COLEC12: variants seen among roughly 807,000 people sequenced by gnomAD.
The protein encoded by COLEC12 is collectin subfamily member 12, also known as collectin-12.
COLEC12 carries 33 observed loss-of-function variants against 71.1 expected under a neutral mutation model. The observed-to-expected ratio is 0.46, with a 90% CI of 0.35 to 0.62. The LOEUF is 0.62. COLEC12 is among the 20% of genes least tolerant of loss of function. COLEC12 has a pLI of 0.00. For synonymous variants in COLEC12, 350 were observed against 353.0 expected, an observed-to-expected ratio of 0.99 and a Z score of 0.10; for missense variants, 765 against 916.1, an observed-to-expected ratio of 0.84 and a Z score of 2.13.
At chr18:466,307 C>T (rs1017107223) in intron 2 of COLEC12, among the ~76,000 whole-genome samples, 1 of 152,176 alleles carries the variant, frequency 6.6e-6, no homozygotes, top group African/African-American at 2.4e-5. Context: ...TTAGAGACTT[C>T]CAGGACCTTC....
At chr18:466,191 G>T (rs920930072) in intron 2 of COLEC12, among the ~76,000 whole-genome samples, 4 of 152,194 alleles carry the variant, frequency 2.6e-5, no homozygotes, top group African/African-American at 9.6e-5. Context: ...AGTGAGCTGA[G>T]ATCGCACCAC....
At chr18:448,863 C>T (rs569005735) in intron 2 of COLEC12, among the ~76,000 whole-genome samples, 9 of 152,070 alleles carry the variant, frequency 5.9e-5, no homozygotes, top group South Asian at 4.1e-4. Context: ...ATAAAGCATA[C>T]GGAGGAATAA....
intron 2 of COLEC12, among the ~76,000 whole-genome samples, chr18:412,710 C>T (rs1002237781): frequency 3.3e-5 from 5 of 152,176 alleles, no homozygotes; most frequent in South Asian, 2.1e-4. Flanking sequence ...GTAAAGTTTC[C>T]GTACTTCACT....
intron 2 of COLEC12, among the ~76,000 whole-genome samples, chr18:393,993 G>A (rs1419025159): frequency 2.0e-5 from 3 of 152,158 alleles, no homozygotes; most frequent in Admixed American, 6.5e-5. Flanking sequence ...GGTTGCTGGA[G>A]GTCCCGGGTG....
intron 2 of COLEC12, among the ~76,000 whole-genome samples, chr18:467,217 G>A (rs554993401): frequency 6.6e-6 from 1 of 152,138 alleles, no homozygotes; most frequent in African/African-American, 2.4e-5. Context: ...CAGAGAATGA[G>A]AGAACTGACC....
At chr18:367,021 C>T (rs562247143) in intron 2 of COLEC12, among the ~76,000 whole-genome samples, 1 of 152,310 alleles carries the variant, frequency 6.6e-6, no homozygotes, top group Non-Finnish European at 1.5e-5. Flanking sequence ...GCCTTCAGAC[C>T]CCTGCCCAGA....
At chr18:390,654 G>A (rs1417036213) in intron 2 of COLEC12, among the ~76,000 whole-genome samples, 3 of 152,104 alleles carry the variant, frequency 2.0e-5, no homozygotes, top group East Asian at 1.9e-4. Context: ...CAGCTACTCG[G>A]GAGGATGAGG....
chr18:422,295 C>T (rs1375628572), intron 2 of COLEC12, among the ~76,000 whole-genome samples: 4 of 152,240 alleles, frequency 2.6e-5, no homozygotes, highest in East Asian at 1.9e-4. Context: ...CCTTTATTTC[C>T]GACGGCCTCT....
intron 2 of COLEC12, among the ~76,000 whole-genome samples, chr18:364,454 G>C (rs1430699217): frequency 5.9e-5 from 9 of 152,162 alleles, no homozygotes; most frequent in Admixed American, 1.3e-4. Flanking sequence ...TCTTACAGTT[G>C]TCTCTCCTAG....
chr18:331,581 A>T, intron 8 of COLEC12, 87 bp downstream of exon 8: 1 of 834,248 alleles, frequency 1.2e-6, no homozygotes, highest in Non-Finnish European at 2.0e-6. Flanking sequence ...CGAGGTCATT[A>T]AGGAAGAAAC....
chr18:489,976 T>C (rs1917590384), intron 1 of COLEC12, among the ~76,000 whole-genome samples: 2 of 152,204 alleles, frequency 1.3e-5, no homozygotes, highest in South Asian at 4.1e-4. Context: ...CACCAGCAAT[T>C]CCTTCCAGCC....
intron 2 of COLEC12, among the ~76,000 whole-genome samples, chr18:392,736 C>T (rs1246545317): frequency 6.6e-6 from 1 of 152,232 alleles, no homozygotes; most frequent in Non-Finnish European, 1.5e-5. Flanking sequence ...GAGTTCACAG[C>T]AAGACATGTG....
At chr18:439,588 T>C (rs1377665408) in intron 2 of COLEC12, among the ~76,000 whole-genome samples, 2 of 151,842 alleles carry the variant, frequency 1.3e-5, no homozygotes, top group Non-Finnish European at 2.9e-5. Context: ...TATTGAAATA[T>C]AATTTACATA....
At chr18:495,434 A>G (rs941916715) in intron 1 of COLEC12, among the ~76,000 whole-genome samples, 1 of 152,242 alleles carries the variant, frequency 6.6e-6, no homozygotes, top group Non-Finnish European at 1.5e-5. Flanking sequence ...ACCTGTTAGC[A>G]AGACGAGTGT....
At chr18:436,858 G>A (rs1262671771) in intron 2 of COLEC12, among the ~76,000 whole-genome samples, 1 of 152,170 alleles carries the variant, frequency 6.6e-6, no homozygotes, top group African/African-American at 2.4e-5. Flanking sequence ...TACCTCCCAT[G>A]GCTGGTAGAG....
chr18:443,122 G>A (rs555756513), intron 2 of COLEC12, among the ~76,000 whole-genome samples: 7 of 151,898 alleles, frequency 4.6e-5, no homozygotes, highest in Non-Finnish European at 8.8e-5. Flanking sequence ...TAGTTAATAC[G>A]GAATTATATG....
chr18:449,485 T>C (rs2143710212), intron 2 of COLEC12, among the ~76,000 whole-genome samples: 1 of 152,332 alleles, frequency 6.6e-6, no homozygotes, highest in East Asian at 1.9e-4. Flanking sequence ...TGTCAGTTGC[T>C]TCATAGGTCA....
chr18:465,870 C>T (rs1042548287), intron 2 of COLEC12, among the ~76,000 whole-genome samples: 6 of 151,948 alleles, frequency 3.9e-5, no homozygotes, highest in South Asian at 2.1e-4. Context: ...GTCAGGAATT[C>T]GAGACCAGCC....
intron 2 of COLEC12, among the ~76,000 whole-genome samples, chr18:463,992 G>A (rs1212413494): frequency 6.6e-6 from 1 of 152,160 alleles, no homozygotes; most frequent in Admixed American, 6.5e-5. Context: ...GCTCCAGGAA[G>A]GAAGGTTTTT....
Sources: gnomAD v4.1 joint callset for allele counts (sites outside exome capture counted in the v4.1 genomes callset) on GRCh38, gnomAD v4.1.1 for gene constraint, MANE v1.5 for transcripts, NCBI Gene and HGNC (gene_info 2026-07-23, HGNC 2026-07-21) for gene names.